Variants in MYO7A observed in about 807,000 individuals in gnomAD.
The protein encoded by MYO7A is unconventional myosin-VIIa.
MYO7A carries 210 observed loss-of-function variants against 263.8 expected under a neutral mutation model. That is an observed-to-expected ratio of 0.80 (90% CI 0.71 to 0.89). MYO7A has a LOEUF of 0.89. MYO7A is among the 40% of genes least tolerant of loss of function. The pLI, the probability that MYO7A is intolerant of heterozygous loss-of-function variation, is 0.00. For synonymous variants in MYO7A, 1,239 were observed against 1,197.3 expected, an observed-to-expected ratio of 1.03 and a Z score of -0.72; for missense variants, 2,820 against 2,968.3, an observed-to-expected ratio of 0.95 and a Z score of 1.16.
chr11:77,193,051 G>A lies in MYO7A; in HGVS notation c.4152+773G>A, dbSNP rs61900020. Reference sequence around the variant, plus strand: ...TGGTGTTGTTGGTGATGGTGGAGGTGGTGATGGTGTTGGTGATGGTGGAGG... The same window carrying A: ...TGGTGTTGTTGGTGATGGTGGAGGTAGTGATGGTGTTGGTGATGGTGGAGG... On this transcript the variant is annotated intron_variant, in intron 31 of 48. Coordinates refer to ENST00000409709, the MANE Select transcript of MYO7A (RefSeq NM_000260.4). Among the ~76,000 whole-genome samples, 668 of 84,258 alleles carry A rather than the reference G, an allele frequency of 7.9e-3. 45 individuals are homozygous for A. The highest frequency in any genetic ancestry group is 0.057 in the African/African-American group (600 of 10,522). 55.3% of individuals were successfully genotyped at this position (84,258 alleles called of 152,430 possible).
chr11:77,199,519 C>T lies in MYO7A; in HGVS notation c.4569-16C>T. ...GTTGGGGCATGACTGACTCAACTGGCCTTGATCTCCTTCAGGGAGTGCCGT... is the reference window on the plus strand; with the variant it reads ...GTTGGGGCATGACTGACTCAACTGGTCTTGATCTCCTTCAGGGAGTGCCGT... On this transcript the variant is annotated splice_polypyrimidine_tract_variant and intron_variant, in intron 34 of 48. Coordinates refer to ENST00000409709, the MANE Select transcript of MYO7A (RefSeq NM_000260.4). The T allele has an allele frequency of 1.4e-6, 2 of 1,466,754 alleles. No homozygotes were observed. The highest frequency in any genetic ancestry group is 2.8e-5 in the South Asian group (2 of 71,020). The allele number at this position is 1,466,754 out of a possible 1,614,324, so 90.9% of individuals were successfully genotyped here.
Position 77,190,767 on chromosome 11 carries a change from C to T in MYO7A, c.3821C>T (p.Thr1274Met), listed in dbSNP as rs768618552. The change falls in exon 30 of 49, where the codon ACG (threonine) becomes ATG (methionine). Residue 1274 changes from threonine (T) to methionine (M), a missense_variant. Transcript: ENST00000409709. ...GATGGGACCACCAAGACCCTGCTGACGGACTCGGCAACCACGGCCAAGGAG... is the reference window on the plus strand; with the variant it reads ...GATGGGACCACCAAGACCCTGCTGATGGACTCGGCAACCACGGCCAAGGAG... ...FMDGTTKTLL[T>M]DSATTAKELC... is the part of the protein sequence containing the mutation. The T allele has an allele frequency of 1.8e-5, 28 of 1,599,222 alleles. No individual in the cohort carries two copies. Among genetic ancestry groups the T allele is most frequent in the African/African-American group, 2.7e-5 (2 of 74,506 alleles).
At chr11:77,210,043 C>T (rs1362559058) in intron 44 of MYO7A, among the ~76,000 whole-genome samples, 1 of 152,242 alleles carries the variant, frequency 6.6e-6, no homozygotes, top group Non-Finnish European at 1.5e-5. Flanking sequence ...TTTTAGATGT[C>T]AGTCAGCCAT....
intron 17 of MYO7A, 30 bp downstream of exon 17, chr11:77,174,944 G>A: frequency 6.3e-7 from 1 of 1,599,884 alleles, no homozygotes. Context: ...GAGGGCAGGA[G>A]GGGAGGGTCC....
In MYO7A at chr11:77,149,424, C is replaced by A. The variant is rs1471479584; in HGVS notation, c.285+1474C>A. 2.6e-5 allele frequency among the ~76,000 whole-genome samples: 4 copies of A among 152,132 alleles called. No individual in the cohort carries two copies. In the East Asian group the frequency reaches 7.7e-4, roughly 29 times the overall value. On this transcript the variant is annotated intron_variant, in intron 4 of 48. Transcript: ENST00000409709. The stretch of plus-strand genomic sequence containing the variant: ...AGATGGCATTCAGGAGGGGGCATGG[C>A]ATGAATAAATGCTGGAGGTAGGGCC...
intron 2 of MYO7A, among the ~76,000 whole-genome samples, chr11:77,134,920 G>A (rs1950867928): frequency 6.6e-6 from 1 of 151,830 alleles, no homozygotes; most frequent in Non-Finnish European, 1.5e-5. Context: ...GAGTACCTGG[G>A]ATTACAGGTC....
intron 32 of MYO7A, among the ~76,000 whole-genome samples, chr11:77,195,338 G>A (rs1001402574): frequency 7.2e-5 from 11 of 151,896 alleles, no homozygotes; most frequent in African/African-American, 2.2e-4. Flanking sequence ...GAGGAGGAGC[G>A]TCTCCTCCCT....
At chr11:77,134,744 A>AT (rs755523087) in intron 2 of MYO7A, among the ~76,000 whole-genome samples, 10 of 125,654 alleles carry the variant, frequency 8.0e-5, no homozygotes, top group Non-Finnish European at 1.6e-4. Context: ...CCAATTTTGT[A>AT]TTTTTTAAAA....
intron 10 of MYO7A, among the ~76,000 whole-genome samples, chr11:77,159,789 T>G (rs1952820738): frequency 6.6e-6 from 1 of 152,204 alleles, no homozygotes; most frequent in Non-Finnish European, 1.5e-5. Flanking sequence ...CCTCTGGGCC[T>G]CAGTCTCCAC....
At chr11:77,182,234 A>T (rs1591382677) in intron 24 of MYO7A, 80 bp downstream of exon 24, 2 of 1,554,352 alleles carry the variant, frequency 1.3e-6, no homozygotes, top group African/African-American at 2.7e-5. Context: ...TGGTGGCCGT[A>T]GGTGATGAGG....
intron 15 of MYO7A, among the ~76,000 whole-genome samples, chr11:77,169,826 A>G (rs1953911587): frequency 1.3e-5 from 2 of 152,216 alleles, no homozygotes; most frequent in South Asian, 4.1e-4. Context: ...CTGTAATTCC[A>G]AAACTTTGGG....
chr11:77,144,558 C>A (rs1404988818), intron 3 of MYO7A, among the ~76,000 whole-genome samples: 2 of 152,138 alleles, frequency 1.3e-5, no homozygotes, highest in African/African-American at 4.8e-5. Flanking sequence ...GCATTGGACC[C>A]CCAGGGCTTC....
Position 77,208,813 on chromosome 11 carries a change from T to C in MYO7A, c.6051+10T>C, listed in dbSNP as rs1419385588. On this transcript the variant is annotated intron_variant, in intron 44 of 48. Coordinates refer to ENST00000409709, the MANE Select transcript of MYO7A (RefSeq NM_000260.4). The stretch of plus-strand genomic sequence containing the variant: ...CTTCCACTATTACCAGGTGGGCACC[T>C]CTGCACTCTAGTTGCCTTCGTGCAC... 5 of 1,537,686 alleles carry C rather than the reference T, an allele frequency of 3.3e-6. No homozygotes were observed. Among genetic ancestry groups the C allele is most frequent in the Non-Finnish European group, 4.4e-6 (5 of 1,132,870 alleles).
chr11:77,198,571 G>A lies in MYO7A; in HGVS notation c.4518G>A (p.Gln1506=). Residue 1506 remains glutamine (Q), a synonymous_variant, in exon 34 of 49, where the codon CAG becomes CAA. Coordinates refer to ENST00000409709, the MANE Select transcript of MYO7A (RefSeq NM_000260.4). ...TGTACTTTGTGGATGAGCAGGAGCA[G>A]GTACTTCTGGAGCTGTCCTTCCCAG... ...TGVYFVDEQE[Q]VLLELSFPEI... 6.2e-7 allele frequency: 1 copy of A among 1,613,970 alleles called. No individual in the cohort carries two copies. Among genetic ancestry groups the A allele is most frequent in the African/African-American group, 1.3e-5 (1 of 75,050 alleles).
chr11:77,161,867 A>T (rs1555069012), intron 12 of MYO7A, among the ~76,000 whole-genome samples: 1 of 152,136 alleles, frequency 6.6e-6, no homozygotes, highest in Non-Finnish European at 1.5e-5. Flanking sequence ...CCAGGGAAAG[A>T]GTCCTGAAAA....
intron 48 of MYO7A, 144 bp from the exon 49 acceptor site, chr11:77,214,463 C>G (rs1958038111): frequency 3.0e-6 from 2 of 671,164 alleles, no homozygotes; most frequent in African/African-American, 1.8e-5. Flanking sequence ...TTCAATTGTG[C>G]AGATGGGAGA....
intron 26 of MYO7A, among the ~76,000 whole-genome samples, chr11:77,183,713 A>G (rs782701873): frequency 2.0e-5 from 3 of 151,572 alleles, no homozygotes; most frequent in Non-Finnish European, 4.4e-5. Context: ...CCCCATCCCC[A>G]CATTTGCACA....
chr11:77,178,233 C>T, intron 19 of MYO7A, among the ~76,000 whole-genome samples: 1 of 145,674 alleles, frequency 6.9e-6, no homozygotes, highest in African/African-American at 2.5e-5. Context: ...ATTCACCCAT[C>T]CATCCATCCA....
intron 16 of MYO7A, among the ~76,000 whole-genome samples, chr11:77,173,591 C>T (rs1382760321): frequency 6.6e-6 from 1 of 152,108 alleles, no homozygotes; most frequent in African/African-American, 2.4e-5. Context: ...GAGCCCTCTC[C>T]TTTCGCAGCA....
Sources: allele counts gnomAD v4.1 joint callset (sites outside exome capture counted in the v4.1 genomes callset), GRCh38; gene constraint gnomAD v4.1.1; transcripts MANE v1.5; gene names NCBI Gene and HGNC (gene_info 2026-07-23, HGNC 2026-07-21).